The following DDX18 variants were observed in gnomAD, a reference collection of about 807,000 sequenced individuals.
The protein encoded by DDX18 is DEAD-box helicase 18.
A neutral mutation model predicts 73.5 loss-of-function variants in DDX18; 23 were observed. The observed-to-expected ratio is 0.31, with a 90% CI of 0.23 to 0.44. The LOEUF is 0.44. Among genes scored for constraint, DDX18 ranks in the 20% least tolerant of loss-of-function variants. The pLI is 1.00. For synonymous variants in DDX18, 268 were observed against 282.7 expected (o/e 0.95, Z 0.52); for missense variants, 753 against 792.9 (o/e 0.95, Z 0.60).
chr2:117,816,734 C>G (rs1418138190), intron 1 of DDX18, among the ~76,000 whole-genome samples: 2 of 152,126 alleles, frequency 1.3e-5, no homozygotes, highest in African/African-American at 2.4e-5. Context: ...GTGTGCTGTA[C>G]TTTATACGAC....
intron 9 of DDX18, 66 bp from the exon 10 acceptor site, chr2:117,825,381 T>A: frequency 1.3e-6 from 2 of 1,558,872 alleles, no homozygotes; most frequent in Non-Finnish European, 1.7e-6. Flanking sequence ...GTTCCACAAT[T>A]TGGGGGTTCT....
intron 1 of DDX18, among the ~76,000 whole-genome samples, chr2:117,815,487 GGCC>G (rs1679742671): frequency 6.6e-6 from 1 of 152,030 alleles, no homozygotes; most frequent in Admixed American, 6.6e-5. Context: ...CTGACAGTGG[GGCC>G]ACAGATCTTG....
chr2:117,819,050 C>T (rs1679803854), intron 2 of DDX18, among the ~76,000 whole-genome samples: 1 of 152,136 alleles, frequency 6.6e-6, no homozygotes, highest in Admixed American at 6.5e-5. Context: ...TTTATATAAA[C>T]ACAGCATGTG....
At chr2:117,826,191 CAT>C in intron 10 of DDX18, 76 bp from the exon 11 acceptor site, 1 of 1,196,456 alleles carries the variant, frequency 8.4e-7, no homozygotes, top group Non-Finnish European at 1.2e-6. Context: ...CAGACATGCA[CAT>C]ACTCAGGATG....
intron 11 of DDX18, chr2:117,826,636 C>G (rs558872789): frequency 2.1e-6 from 1 of 481,658 alleles, no homozygotes; most frequent in Admixed American, 3.5e-5. Context: ...CCTGTTCCCT[C>G]CAGCCCTCTT....
At chr2:117,815,982 ATACTC>A (rs1384929530) in intron 1 of DDX18, among the ~76,000 whole-genome samples, 1 of 152,246 alleles carries the variant, frequency 6.6e-6, no homozygotes, top group African/African-American at 2.4e-5. Flanking sequence ...TTACTGTACT[ATACTC>A]AGAGAATTGT....
At chr2:117,824,438 A>G in intron 7 of DDX18, 131 bp from the exon 8 acceptor site, 1 of 878,486 alleles carries the variant, frequency 1.1e-6, no homozygotes, top group Non-Finnish European at 1.5e-6. Context: ...TACCTTTTGT[A>G]ATATTTGTAG....
chr2:117,816,276 C>T (rs938026884), intron 1 of DDX18, among the ~76,000 whole-genome samples: 3 of 152,190 alleles, frequency 2.0e-5, no homozygotes, highest in Non-Finnish European at 4.4e-5. Flanking sequence ...TTAACCTTAG[C>T]CTGCTGTAAC....
In DDX18 at chr2:117,830,845, C is replaced by A; in HGVS notation, c.*121C>A. 8.2e-7 allele frequency: 1 copy of A among 1,214,722 alleles called. No individual in the cohort carries two copies. The highest frequency in any genetic ancestry group is 1.2e-6 in the Non-Finnish European group (1 of 857,886). 75.2% of individuals were successfully genotyped at this position (1,214,722 alleles called of 1,614,324 possible). On this transcript the variant is annotated 3_prime_UTR_variant, in exon 14 of 14. Transcript: ENST00000263239. ...CTTACCTAACAAGAGTATAAATTGACTTGGGTTGCAAGCACTGAGCACTGT... is the reference window on the plus strand; with the variant it reads ...CTTACCTAACAAGAGTATAAATTGAATTGGGTTGCAAGCACTGAGCACTGT...
Position 117,821,872 on chromosome 2 carries a change from C to T in DDX18, c.762C>T (p.Val254=). 6.2e-7 allele frequency: 1 copy of T among 1,613,964 alleles called. No individual in the cohort carries two copies. The highest frequency in any genetic ancestry group is 8.5e-7 in the Non-Finnish European group (1 of 1,179,916). The change falls in exon 6 of 14, where the codon GTC becomes GTT. Residue 254 remains valine, a synonymous_variant. Transcript: ENST00000263239. ...ATATATCATTTTTAGGAACAGGAGTCCTTATTCTCTCACCTACTAGAGAAC... is the reference window on the plus strand; with the variant it reads ...ATATATCATTTTTAGGAACAGGAGTTCTTATTCTCTCACCTACTAGAGAAC... ...LRFMPRNGTG[V]LILSPTRELA...
At chr2:117,823,481 G>A (rs1439508684) in intron 7 of DDX18, among the ~76,000 whole-genome samples, 1 of 151,952 alleles carries the variant, frequency 6.6e-6, no homozygotes, top group East Asian at 1.9e-4. Context: ...ACATATATAT[G>A]CACACACAGT....
chr2:117,824,036 G>A (rs1043343030), intron 7 of DDX18, among the ~76,000 whole-genome samples: 3 of 152,072 alleles, frequency 2.0e-5, no homozygotes, highest in African/African-American at 7.2e-5. Context: ...ATATATTGCT[G>A]AATTCACTTT....
intron 6 of DDX18, 28 bp from the exon 7 acceptor site, chr2:117,822,119 G>A (rs781611183): frequency 6.2e-7 from 1 of 1,612,754 alleles, no homozygotes; most frequent in East Asian, 2.2e-5. Context: ...GACAACTAAT[G>A]GTTGTTCTTT....
intron 4 of DDX18, 31 bp from the exon 5 acceptor site, chr2:117,821,619 T>G: frequency 6.2e-7 from 1 of 1,611,782 alleles, no homozygotes; most frequent in Non-Finnish European, 8.5e-7. Flanking sequence ...GTAGGCTAAA[T>G]GTCTTTCTCC....
rs547083796 is a variant in DDX18, at chr2:117,819,121, G to C, written c.371-528G>C. Among the ~76,000 whole-genome samples the C allele has an allele frequency of 2.2e-4, 33 of 152,314 alleles. No homozygotes were observed. In the South Asian group the frequency reaches 6.8e-3, roughly 32 times the overall value. Reference sequence around the variant, plus strand: ...GAGAAGTGAGAGGTAGGACTGAAAAGGTAGTTGGGGCCACATGAAAGTTGT... The same window carrying C: ...GAGAAGTGAGAGGTAGGACTGAAAACGTAGTTGGGGCCACATGAAAGTTGT... On this transcript the variant is annotated intron_variant, in intron 2 of 13. Transcript: ENST00000263239.
intron 7 of DDX18, chr2:117,822,685 C>A (rs1322050093): frequency 6.2e-6 from 1 of 161,268 alleles, no homozygotes; most frequent in East Asian, 1.8e-4. Flanking sequence ...TTATATCTAC[C>A]CATTTATAAT....
Position 117,828,979 on chromosome 2 carries a change from T to C in DDX18, c.1666T>C (p.Ser556Pro). The stretch of plus-strand genomic sequence containing the variant: ...ATTAAGTGAATTTGACTTTTCCTGG[T>C]CTAAAATTTCTGACATTCAGTCTCA... The part of the protein sequence containing the change: ...VPLSEFDFSW[S>P]KISDIQSQLE... Residue 556 changes from serine to proline, a missense_variant, in exon 12 of 14, where the codon TCT (serine) becomes CCT (proline). Transcript: ENST00000263239. 1 of 1,612,820 alleles carries C rather than the reference T, an allele frequency of 6.2e-7. No homozygotes were observed. Among genetic ancestry groups the C allele is most frequent in the South Asian group, 1.1e-5 (1 of 91,020 alleles).
In DDX18 at chr2:117,825,625, C is replaced by T. The variant is rs375876008; in HGVS notation, c.1521+26C>T. The T allele has an allele frequency of 3.1e-6, 5 of 1,606,048 alleles. No homozygotes were observed. In the African/African-American group the frequency reaches 6.7e-5, roughly 22 times the overall value. ...GTAACTGGCATCTTTGGAATATCTT[C>T]AGAATGACTCTGCATTAAAAGTTCA... On this transcript the variant is annotated intron_variant, in intron 10 of 13. Coordinates refer to ENST00000263239, the MANE Select transcript of DDX18 (RefSeq NM_006773.4).
At chr2:117,824,833 C>T in intron 8 of DDX18, 107 bp from the exon 9 acceptor site, 1 of 1,465,986 alleles carries the variant, frequency 6.8e-7, no homozygotes, top group Admixed American at 2.3e-5. Context: ...TGAGGCATGA[C>T]AGTTTACACA....
Sources: allele counts gnomAD v4.1 joint callset (sites outside exome capture counted in the v4.1 genomes callset), GRCh38; gene constraint gnomAD v4.1.1; transcripts MANE v1.5; gene names NCBI Gene and HGNC (gene_info 2026-07-23, HGNC 2026-07-21).